The following FAM227A variants were observed in gnomAD, a reference collection of about 807,000 sequenced individuals.
The protein encoded by FAM227A is family with sequence similarity 227 member A, also known as protein FAM227A.
FAM227A carries 80 observed loss-of-function variants against 74.7 expected under a neutral mutation model. The ratio of observed to expected loss-of-function variants is 1.07; its 90% CI spans 0.89 to 1.29. The LOEUF (loss-of-function observed/expected upper bound fraction) is 1.29. Ranked by LOEUF, FAM227A falls within the 50% of genes most tolerant of loss-of-function variation. The pLI is 0.00. For missense variants in FAM227A, 654 were observed against 683.4 expected (o/e 0.96, Z 0.48); for synonymous variants, 237 against 241.8 (o/e 0.98, Z 0.19).
intron 16 of FAM227A, among the ~76,000 whole-genome samples, chr22:38,590,414 A>C (rs2090907168): frequency 6.6e-6 from 1 of 152,134 alleles, no homozygotes; most frequent in Admixed American, 6.6e-5. Flanking sequence ...CAGGACTATA[A>C]GGAGACAGAC....
chr22:38,637,895 G>A (rs1169053900), intron 5 of FAM227A, among the ~76,000 whole-genome samples: 1 of 152,174 alleles, frequency 6.6e-6, no homozygotes, highest in Non-Finnish European at 1.5e-5. Flanking sequence ...GGCTGGGCAC[G>A]GTGGCTCACA....
intron 6 of FAM227A, among the ~76,000 whole-genome samples, chr22:38,634,570 G>A (rs1286606130): frequency 6.6e-6 from 1 of 152,184 alleles, no homozygotes. Flanking sequence ...TTTTACAGGA[G>A]AAGAAATTAA....
intron 16 of FAM227A, among the ~76,000 whole-genome samples, chr22:38,589,215 C>T (rs887263407): frequency 9.2e-5 from 14 of 152,072 alleles, no homozygotes; most frequent in African/African-American, 3.1e-4. Flanking sequence ...AGGACAGCCA[C>T]GGACTGCTGG....
chr22:38,626,392 T>C (rs1265771316), intron 8 of FAM227A, 89 bp from the exon 9 acceptor site: 1 of 1,428,116 alleles, frequency 7.0e-7, no homozygotes, highest in African/African-American at 1.4e-5. Context: ...TCTTTTTTTA[T>C]ATATAGTTTT....
At position 38,623,211 on chromosome 22, in the gene FAM227A, T is replaced by C; in HGVS notation, c.919A>G (p.Arg307Gly). ...YSELDPERFR[R>G]EELMLYRRRL... ...CTTCTGTACAACATTAATTCTTCTC[T>C]GCGGAATCGCTCTGGGTCTAGTTCC... The change falls in exon 10 of 17, where the codon AGA (arginine) becomes GGA (glycine). Residue 307 changes from arginine to glycine, a missense_variant. Transcript: ENST00000535113. 6.4e-7 allele frequency: 1 copy of C among 1,551,692 alleles called. No individual in the cohort carries two copies. The highest frequency in any genetic ancestry group is 1.2e-5 in the South Asian group (1 of 84,062).
chr22:38,636,197 C>T (rs561699851), intron 6 of FAM227A, among the ~76,000 whole-genome samples: 17 of 152,182 alleles, frequency 1.1e-4, no homozygotes, highest in African/African-American at 2.7e-4. Flanking sequence ...TAAACAGACA[C>T]GTTTCAATGA....
chr22:38,623,143 A>T (rs760015803), intron 10 of FAM227A, 29 bp downstream of exon 10: 2 of 1,458,400 alleles, frequency 1.4e-6, no homozygotes, highest in Non-Finnish European at 1.9e-6. Context: ...AGTGGCAAAG[A>T]AGGCGGGAGG....
intron 8 of FAM227A, among the ~76,000 whole-genome samples, chr22:38,627,439 G>A (rs1486865664): frequency 2.0e-5 from 3 of 151,748 alleles, no homozygotes; most frequent in Non-Finnish European, 4.4e-5. Context: ...GTGGTGGTAC[G>A]CACCTGTAAT....
chr22:38,626,891 A>AAAAAAAAAAAATATATAT (rs1555966996), intron 8 of FAM227A, among the ~76,000 whole-genome samples: 1 of 57,688 alleles, frequency 1.7e-5, no homozygotes, highest in African/African-American at 8.8e-5. Context: ...AAAAAAAAAA[A>AAAAAAAAAAAATATATAT]ATATATATAT....
Position 38,626,295 on chromosome 22 carries a change from T to C in FAM227A, c.735A>G (p.Pro245=), listed in dbSNP as rs764092344. ...HSEEALLKRL[P]SLLSKAVYTS... is the part of the protein sequence containing the mutation. ...TGTACACGGCTTTGCTGAGAAGTGA[T>C]GGCAGCCTCTGCGGAGCAAGCCGAG... Residue 245 remains proline (P), a synonymous_variant, in exon 9 of 17, where the codon CCA becomes CCG. Transcript: ENST00000535113. The C allele has an allele frequency of 6.4e-7, 1 of 1,551,180 alleles. No individual in the cohort carries two copies. The highest frequency in any genetic ancestry group is 1.4e-5 in the African/African-American group (1 of 73,032).
intron 13 of FAM227A, among the ~76,000 whole-genome samples, chr22:38,603,487 CA>C (rs71197122): frequency 3.8e-3 from 472 of 122,962 alleles, no homozygotes; most frequent in Middle Eastern, 8.3e-3. Context: ...GACTCCGTCT[CA>C]AAAAAAAAAA....
intron 9 of FAM227A, among the ~76,000 whole-genome samples, chr22:38,624,147 G>A (rs2091748027): frequency 6.6e-6 from 1 of 152,198 alleles, no homozygotes; most frequent in Non-Finnish European, 1.5e-5. Flanking sequence ...GCTCATGCCT[G>A]TAATTCCAGC....
At chr22:38,652,354 C>T (rs534493211) in intron 1 of FAM227A, among the ~76,000 whole-genome samples, 42 of 152,038 alleles carry the variant, frequency 2.8e-4, no homozygotes, top group African/African-American at 5.3e-4. Context: ...TTTGGGAGGC[C>T]GAGGCAGGCA....
intron 6 of FAM227A, among the ~76,000 whole-genome samples, chr22:38,632,430 CCT>C (rs944980449): frequency 1.3e-5 from 2 of 152,110 alleles, no homozygotes; most frequent in Non-Finnish European, 2.9e-5. Context: ...CCTTTCGCCC[CCT>C]CTCTTCCATC....
chr22:38,623,317 C>T (rs781333910), intron 9 of FAM227A, 38 bp from the exon 10 acceptor site: 56 of 1,363,538 alleles, frequency 4.1e-5, no homozygotes, highest in Admixed American at 6.0e-5. Flanking sequence ...GGGCCGGGTG[C>T]GGTGGATCAC....
chr22:38,650,195 C>T lies in FAM227A; in HGVS notation c.-27G>A. The stretch of plus-strand genomic sequence containing the variant: ...GTCCAATTTCTTGTAAATGGACAAA[C>T]AAAAAGCTTCCACTTTTAAGAGCCT... On this transcript the variant is annotated 5_prime_UTR_variant, in exon 2 of 17. Transcript: ENST00000535113. 2.6e-6 allele frequency: 4 copies of T among 1,548,560 alleles called. No homozygotes were observed. The highest frequency in any genetic ancestry group is 3.5e-6 in the Non-Finnish European group (4 of 1,145,716).
chr22:38,623,235 C>A lies in FAM227A; in HGVS notation c.895G>T (p.Glu299Ter). The A allele has an allele frequency of 6.4e-7, 1 of 1,551,618 alleles. No individual in the cohort carries two copies. Among genetic ancestry groups the A allele is most frequent in the East Asian group, 2.4e-5 (1 of 40,918 alleles). The change falls in exon 10 of 17, where the codon GAA (glutamate) becomes TAA (stop). Residue 299 changes from glutamate to a stop codon, truncating the protein, a stop_gained. Transcript: ENST00000535113. LOFTEE classifies it high-confidence loss of function. ...PQSYDSWDYS[E>*]LDPERFRREE... Reference sequence around the variant, plus strand: ...CTGCGGAATCGCTCTGGGTCTAGTTCCGAGTAGTCCCAGCTGTCATAGCTC... The same window carrying A: ...CTGCGGAATCGCTCTGGGTCTAGTTACGAGTAGTCCCAGCTGTCATAGCTC...
intron 12 of FAM227A, 60 bp downstream of exon 12, chr22:38,607,329 G>T (rs944859444): frequency 1.5e-6 from 2 of 1,295,614 alleles, no homozygotes; most frequent in Non-Finnish European, 1.1e-6. Flanking sequence ...AAGAAACCAG[G>T]GTTTTGGAGA....
chr22:38,602,690 T>G (rs1299131938), intron 13 of FAM227A, among the ~76,000 whole-genome samples: 6 of 152,160 alleles, frequency 3.9e-5, no homozygotes, highest in Non-Finnish European at 8.8e-5. Context: ...AAAAATAAAT[T>G]TTTTTTCAAA....
Sources: allele counts gnomAD v4.1 joint callset (sites outside exome capture counted in the v4.1 genomes callset), GRCh38; gene constraint gnomAD v4.1.1; transcripts MANE v1.5; gene names NCBI Gene and HGNC (gene_info 2026-07-23, HGNC 2026-07-21).